Variants in CCDC15 observed in about 807,000 individuals in gnomAD.
CCDC15 encodes the protein coiled-coil domain-containing protein 15.
In CCDC15, 105 loss-of-function variants were observed where a neutral mutation model predicts 114.5. The observed-to-expected ratio is 0.92, with a 90% confidence interval of 0.78 to 1.08. The LOEUF (loss-of-function observed/expected upper bound fraction) is 1.08. CCDC15 is among the 50% of genes least tolerant of loss of function. The probability of loss-of-function intolerance (pLI) is 0.00; values close to 1 mark genes in which losing one functional copy is unlikely to be tolerated. For synonymous variants in CCDC15, 334 were observed against 377.8 expected (o/e 0.88, Z 1.34); for missense variants, 1,105 against 1,093.6 (o/e 1.01, Z -0.15).
chr11:124,965,946 T>G (rs1239331385), intron 4 of CCDC15, among the ~76,000 whole-genome samples: 1 of 152,170 alleles, frequency 6.6e-6, no homozygotes, highest in Non-Finnish European at 1.5e-5. Flanking sequence ...TGTAGTTGTG[T>G]GGTTTTGAGT....
chr11:124,960,135 C>CTTTTTTTTT (rs57279788), intron 4 of CCDC15, 132 bp downstream of exon 4: 1 of 408,390 alleles, frequency 2.4e-6, no homozygotes. Context: ...AATCATCCCC[C>CTTTTTTTTT]TTTTTTTTTT....
intron 13 of CCDC15, among the ~76,000 whole-genome samples, chr11:125,013,448 T>C (rs80035622): frequency 0.063 from 9,567 of 152,170 alleles, 368 homozygotes; most frequent in African/African-American, 0.1. Flanking sequence ...GCATATAGAA[T>C]AATCTAAAAA....
At chr11:125,033,534 T>C (rs953793294) in intron 13 of CCDC15, among the ~76,000 whole-genome samples, 8 of 152,150 alleles carry the variant, frequency 5.3e-5, no homozygotes, top group Admixed American at 1.3e-4. Context: ...GGTGTTGCCC[T>C]CACAAATCTA....
intron 13 of CCDC15, among the ~76,000 whole-genome samples, chr11:125,023,099 AGG>A (rs1199092776): frequency 8.6e-5 from 13 of 151,908 alleles, no homozygotes; most frequent in Admixed American, 6.6e-5. Flanking sequence ...GCCTAACCCA[AGG>A]TCACAAAGAT....
At chr11:125,005,898 A>G (rs1948548324) in intron 13 of CCDC15, among the ~76,000 whole-genome samples, 1 of 152,114 alleles carries the variant, frequency 6.6e-6, no homozygotes, top group South Asian at 2.1e-4. Flanking sequence ...TTGATAGCTC[A>G]TTTATTTTTA....
At chr11:124,972,137 CTATTTATCTAAT>C (rs1171320005) in intron 4 of CCDC15, among the ~76,000 whole-genome samples, 1 of 151,994 alleles carries the variant, frequency 6.6e-6, no homozygotes, top group Non-Finnish European at 1.5e-5. Flanking sequence ...GCTAGGTTTT[CTATTTATCTAAT>C]TATTTATCTA....
At chr11:125,027,820 C>A (rs1250758166) in intron 13 of CCDC15, among the ~76,000 whole-genome samples, 1 of 151,838 alleles carries the variant, frequency 6.6e-6, no homozygotes, top group East Asian at 1.9e-4. Context: ...AAGCCAATGT[C>A]TAGAACAGTT....
chr11:125,030,872 C>A (rs1948734111), intron 13 of CCDC15, among the ~76,000 whole-genome samples: 1 of 152,138 alleles, frequency 6.6e-6, no homozygotes, highest in Non-Finnish European at 1.5e-5. Flanking sequence ...ATCCTATCCA[C>A]TTGATTATTA....
intron 13 of CCDC15, among the ~76,000 whole-genome samples, chr11:125,027,944 T>TA (rs1948715695): frequency 1.3e-5 from 2 of 152,274 alleles, no homozygotes; most frequent in South Asian, 4.1e-4. Flanking sequence ...GTTTTATTCT[T>TA]CTATGTATGG....
intron 6 of CCDC15, among the ~76,000 whole-genome samples, chr11:124,981,624 G>A (rs1283680672): frequency 1.3e-5 from 2 of 151,636 alleles, no homozygotes; most frequent in African/African-American, 4.9e-5. Context: ...CTATTATTGT[G>A]TGGTTATCTC....
intron 6 of CCDC15, among the ~76,000 whole-genome samples, chr11:124,981,958 A>G (rs1395524798): frequency 6.6e-6 from 1 of 152,068 alleles, no homozygotes; most frequent in Non-Finnish European, 1.5e-5. Flanking sequence ...TTGCTTTATG[A>G]ATCTGGTTGC....
intron 6 of CCDC15, among the ~76,000 whole-genome samples, chr11:124,981,994 A>G (rs1017847008): frequency 1.1e-4 from 16 of 152,142 alleles, no homozygotes; most frequent in Non-Finnish European, 2.1e-4. Flanking sequence ...ATATATATCT[A>G]GGATAGTTAG....
intron 11 of CCDC15, among the ~76,000 whole-genome samples, chr11:125,001,750 G>A (rs916550203): frequency 1.3e-5 from 2 of 152,136 alleles, no homozygotes; most frequent in Admixed American, 6.5e-5. Context: ...ATTCATTGCT[G>A]AAAAATATTC....
At chr11:124,967,651 T>C (rs1352131705) in intron 4 of CCDC15, among the ~76,000 whole-genome samples, 1 of 152,244 alleles carries the variant, frequency 6.6e-6, no homozygotes, top group East Asian at 1.9e-4. Context: ...TCAAAGTCAT[T>C]CTCCATCCAG....
intron 13 of CCDC15, among the ~76,000 whole-genome samples, chr11:125,011,552 A>G (rs988939694): frequency 4.6e-5 from 7 of 152,118 alleles, no homozygotes; most frequent in African/African-American, 1.7e-4. Flanking sequence ...TTCTTTATTT[A>G]GAAGAATTCA....
chr11:125,003,285 A>G (rs1948507679), intron 11 of CCDC15, among the ~76,000 whole-genome samples: 1 of 151,762 alleles, frequency 6.6e-6, no homozygotes, highest in Non-Finnish European at 1.5e-5. Flanking sequence ...AACTTAAGAG[A>G]TGAAATAATT....
intron 13 of CCDC15, 192 bp from the exon 14 acceptor site, chr11:125,038,238 AG>A: frequency 2.3e-6 from 1 of 427,318 alleles, no homozygotes; most frequent in South Asian, 4.3e-5. Flanking sequence ...CTCTTTTAAT[AG>A]TAGCCATTGC....
At chr11:124,988,460 C>G (rs1419794815) in intron 8 of CCDC15, among the ~76,000 whole-genome samples, 1 of 152,144 alleles carries the variant, frequency 6.6e-6, no homozygotes, top group African/African-American at 2.4e-5. Flanking sequence ...AATCTTTTTG[C>G]TGGTGGAGGG....
chr11:125,005,130 C>A lies in CCDC15; in HGVS notation c.2329C>A (p.His777Asn). Reference protein sequence around the residue: ...KKERQKQYLRHRRLFMDIERE... With the variant: ...KKERQKQYLRNRRLFMDIERE... ...TTAGCGTCAAAAGCAGTACCTGAGA[C>A]ATAGACGACTTTTCATGGATATTGA... Residue 777 changes from histidine (H) to asparagine (N), a missense_variant, in exon 13 of 16, where the codon CAT (histidine) becomes AAT (asparagine). Transcript: ENST00000344762. The A allele has an allele frequency of 6.5e-7, 1 of 1,545,868 alleles. No individual in the cohort carries two copies. Among genetic ancestry groups the A allele is most frequent in the African/African-American group, 1.4e-5 (1 of 73,044 alleles).
Sources: gnomAD v4.1 joint callset for allele counts (sites outside exome capture counted in the v4.1 genomes callset) on GRCh38, gnomAD v4.1.1 for gene constraint, MANE v1.5 for transcripts, NCBI Gene and HGNC (gene_info 2026-07-23, HGNC 2026-07-21) for gene names.